TTC23: variants seen among roughly 807,000 people sequenced by gnomAD.
TTC23 encodes the protein tetratricopeptide repeat protein 23.
In TTC23, 58 loss-of-function variants were observed where a neutral mutation model predicts 55.1. The observed-to-expected ratio is 1.05, with a 90% confidence interval of 0.85 to 1.31. The LOEUF is 1.31. Ranked by LOEUF, TTC23 falls within the 50% of genes most tolerant of loss-of-function variation. TTC23 has a pLI of 0.00. For missense variants in TTC23, 516 were observed against 534.4 expected, an observed-to-expected ratio of 0.97 and a Z score of 0.34; for synonymous variants, 203 against 199.9, an observed-to-expected ratio of 1.02 and a Z score of -0.13.
intron 8 of TTC23, among the ~76,000 whole-genome samples, chr15:99,218,031 C>T (rs2077609995): frequency 6.6e-6 from 1 of 152,146 alleles, no homozygotes; most frequent in South Asian, 2.1e-4. Context: ...CTCTGTCACC[C>T]CAATACTCTG....
intron 2 of TTC23, among the ~76,000 whole-genome samples, chr15:99,243,613 A>T (rs2079991718): frequency 6.6e-6 from 1 of 152,246 alleles, no homozygotes; most frequent in African/African-American, 2.4e-5. Flanking sequence ...ACATGAATGG[A>T]TAAAAAAATG....
At chr15:99,226,185 T>C (rs1407288528) in intron 5 of TTC23, among the ~76,000 whole-genome samples, 2 of 152,228 alleles carry the variant, frequency 1.3e-5, no homozygotes, top group Non-Finnish European at 2.9e-5. Flanking sequence ...ATGGGTCTGA[T>C]TGTTTTCTGT....
At chr15:99,248,664 A>G (rs2152110309) in intron 1 of TTC23, among the ~76,000 whole-genome samples, 1 of 152,210 alleles carries the variant, frequency 6.6e-6, no homozygotes, top group Non-Finnish European at 1.5e-5. Flanking sequence ...TTTTAGTTTA[A>G]ATGTTCTGAG....
At chr15:99,238,035 G>C (rs1450891326) in intron 3 of TTC23, among the ~76,000 whole-genome samples, 3 of 152,040 alleles carry the variant, frequency 2.0e-5, no homozygotes, top group Non-Finnish European at 4.4e-5. Flanking sequence ...GCACGATCTC[G>C]GCTCACTGCA....
At position 99,168,245 on chromosome 15, in the gene TTC23, A is replaced by G. The variant is rs573084542; in HGVS notation, c.866-6378T>C. On this transcript the variant is annotated intron_variant, in intron 10 of 13. Transcript: ENST00000394132. The stretch of plus-strand genomic sequence containing the variant: ...CTCTAGGGACAGGTGTGCATCCATA[A>G]AGTGAAGTGATCCAATGGCAGCAGA... Among the ~76,000 whole-genome samples, 3 of 152,280 alleles carry G rather than the reference A, an allele frequency of 2.0e-5. No homozygotes were observed. The South Asian group carries it at 6.2e-4, about 32-fold the overall frequency.
At chr15:99,250,510 T>C (rs966528613), upstream of TTC23, among the ~76,000 whole-genome samples, 3 of 152,236 alleles carry the variant, frequency 2.0e-5, no homozygotes, top group Non-Finnish European at 1.5e-5. Flanking sequence ...TCAGCGGTTG[T>C]AGTAGAGGAT....
intron 9 of TTC23, among the ~76,000 whole-genome samples, chr15:99,189,257 A>G: frequency 6.6e-6 from 1 of 152,174 alleles, no homozygotes; most frequent in Non-Finnish European, 1.5e-5. Context: ...CTTGGTAGGG[A>G]AAAAGAGGGA....
At position 99,218,619 on chromosome 15, in the gene TTC23, T is replaced by C. The variant is rs1366651590; in HGVS notation, c.550A>G (p.Ile184Val). 1 of 1,614,220 alleles carries C rather than the reference T, an allele frequency of 6.2e-7. No individual in the cohort carries two copies. The highest frequency in any genetic ancestry group is 1.1e-5 in the South Asian group (1 of 91,086). Residue 184 changes from isoleucine (I) to valine (V), a missense_variant, in exon 8 of 14, where the codon ATT becomes GTT. Transcript: ENST00000394132. ...GRIIKEEWIE[I>V]EARIRLSFAQ... ...AATGATAATCTGATCCGTGCTTCAATTTCTATCCATTCTTCCTTTATAATT... is the reference window on the plus strand; with the variant it reads ...AATGATAATCTGATCCGTGCTTCAACTTCTATCCATTCTTCCTTTATAATT...
intron 9 of TTC23, among the ~76,000 whole-genome samples, chr15:99,186,148 A>AATAAGT (rs2074642764): frequency 6.6e-6 from 1 of 152,232 alleles, no homozygotes; most frequent in Non-Finnish European, 1.5e-5. Context: ...ACTGTTAAGA[A>AATAAGT]ATAAAAGTAG....
At chr15:99,246,589 C>T (rs1235553067) in intron 1 of TTC23, among the ~76,000 whole-genome samples, 3 of 148,950 alleles carry the variant, frequency 2.0e-5, no homozygotes, top group Admixed American at 6.8e-5. Context: ...TACTCCAGCC[C>T]GGGTGACAGA....
intron 8 of TTC23, among the ~76,000 whole-genome samples, chr15:99,203,511 CAA>C (rs375706007): frequency 2.0e-5 from 3 of 151,730 alleles, no homozygotes; most frequent in Non-Finnish European, 2.9e-5. Flanking sequence ...TAAAAATATA[CAA>C]AAAAATATTG....
At chr15:99,201,273 A>G (rs1156307926) in intron 8 of TTC23, among the ~76,000 whole-genome samples, 4 of 152,186 alleles carry the variant, frequency 2.6e-5, no homozygotes, top group Admixed American at 6.5e-5. Context: ...ATCCTTACAT[A>G]TTTTTCAGCA....
At chr15:99,139,848 A>G in intron 12 of TTC23, 1 of 924,874 alleles carries the variant, frequency 1.1e-6, no homozygotes, top group Non-Finnish European at 1.5e-6. Context: ...GCAATGTCTT[A>G]GTTATTAGGA....
chr15:99,148,051 C>CT (rs1300733832), intron 12 of TTC23, among the ~76,000 whole-genome samples: 3 of 152,092 alleles, frequency 2.0e-5, no homozygotes, highest in Admixed American at 2.0e-4. Flanking sequence ...ATTCTCCAGT[C>CT]TTGACTTATG....
intron 5 of TTC23, 111 bp downstream of exon 5, chr15:99,228,422 T>C (rs2078645754): frequency 1.0e-6 from 1 of 983,710 alleles, no homozygotes; most frequent in South Asian, 2.2e-5. Context: ...ATATACTTTC[T>C]TGTATCAAAC....
chr15:99,200,285 G>A (rs956076476), intron 8 of TTC23, among the ~76,000 whole-genome samples, 189 bp from the exon 9 acceptor site: 1 of 152,146 alleles, frequency 6.6e-6, no homozygotes, highest in Non-Finnish European at 1.5e-5. Context: ...GAATCACCAG[G>A]AAGGTTCAAG....
chr15:99,250,679 G>T (rs576705190), upstream of TTC23, among the ~76,000 whole-genome samples: 16 of 152,186 alleles, frequency 1.1e-4, no homozygotes, highest in Non-Finnish European at 1.6e-4. Context: ...TTTTCGTCTT[G>T]AAGAAATACA....
chr15:99,216,191 A>G (rs1199611917), intron 8 of TTC23, among the ~76,000 whole-genome samples: 1 of 152,236 alleles, frequency 6.6e-6, no homozygotes, highest in Non-Finnish European at 1.5e-5. Context: ...TCATTTGAAT[A>G]ATCCTTGGAC....
At chr15:99,157,782 T>C (rs969049717) in intron 11 of TTC23, 1 of 152,252 alleles carries the variant, frequency 6.6e-6, no homozygotes, top group African/African-American at 2.4e-5. Flanking sequence ...TTCCTGATAT[T>C]AGCTTCTTCA....
Sources: allele counts gnomAD v4.1 joint callset (sites outside exome capture counted in the v4.1 genomes callset), GRCh38; gene constraint gnomAD v4.1.1; transcripts MANE v1.5; gene names NCBI Gene and HGNC (gene_info 2026-07-23, HGNC 2026-07-21).